KATNAL1: variants seen among roughly 807,000 people sequenced by gnomAD.
KATNAL1 encodes katanin p60 ATPase-containing subunit A-like 1.
A neutral mutation model predicts 55.2 loss-of-function variants in KATNAL1; 32 were observed. The observed-to-expected ratio is 0.58, with a 90% CI of 0.44 to 0.78. The LOEUF (loss-of-function observed/expected upper bound fraction) is 0.78, where lower values mean the gene tolerates loss of function less well. Among genes scored for constraint, KATNAL1 ranks in the 30% least tolerant of loss-of-function variants. The pLI, the probability that KATNAL1 is intolerant of heterozygous loss-of-function variation, is 0.00. For synonymous variants in KATNAL1, 193 were observed against 193.6 expected (o/e 1.00, Z 0.02); for missense variants, 466 against 600.9 (o/e 0.78, Z 2.35).
intron 3 of KATNAL1, among the ~76,000 whole-genome samples, chr13:30,273,457 C>A (rs887670219): frequency 1.3e-5 from 2 of 152,162 alleles, no homozygotes; most frequent in African/African-American, 4.8e-5. Context: ...TCAGTGTCGT[C>A]TTCTAAAAAA....
rs1223914505 is a variant in KATNAL1 at position 30,207,057 on chromosome 13, A to C, written c.*1483T>G. 2 of 152,108 alleles carry C rather than the reference A, an allele frequency of 1.3e-5. 1 individual carries two copies. The highest frequency in any genetic ancestry group is 2.9e-5 in the Non-Finnish European group (2 of 68,010). The allele number at this position is 152,108 out of a possible 1,614,324, so 9.4% of individuals were successfully genotyped here. ...AATCAAATCTCTTTTTTTAAAAAAA[A>C]CCTTCTTAGTATCTTGGTTAAATGT... On this transcript the variant is annotated 3_prime_UTR_variant, in exon 11 of 11. Coordinates refer to ENST00000380615, the MANE Select transcript of KATNAL1 (RefSeq NM_032116.5).
At chr13:30,223,279 A>G (rs985161801) in intron 9 of KATNAL1, among the ~76,000 whole-genome samples, 2 of 151,086 alleles carry the variant, frequency 1.3e-5, no homozygotes, top group African/African-American at 4.9e-5. Flanking sequence ...CTCTACTACT[A>G]AAAATACAAA....
chr13:30,296,574 T>G (rs1277787166), intron 1 of KATNAL1: 1 of 731,552 alleles, frequency 1.4e-6, no homozygotes, highest in East Asian at 2.8e-5. Context: ...TGTTAATGAT[T>G]TGCCTGTGGG....
chr13:30,227,618 C>A, intron 8 of KATNAL1, 72 bp from the exon 9 acceptor site: 1 of 1,526,976 alleles, frequency 6.5e-7, no homozygotes, highest in South Asian at 1.2e-5. Flanking sequence ...ATTAACATTT[C>A]TTTTAGCCAA....
chr13:30,216,217 G>A (rs1190842750), intron 9 of KATNAL1, among the ~76,000 whole-genome samples: 1 of 152,168 alleles, frequency 6.6e-6, no homozygotes, highest in Non-Finnish European at 1.5e-5. Context: ...GTTAGGTGAT[G>A]AAATTATATG....
At chr13:30,298,758 T>C (rs1882685188) in intron 1 of KATNAL1, among the ~76,000 whole-genome samples, 1 of 151,986 alleles carries the variant, frequency 6.6e-6, no homozygotes, top group Non-Finnish European at 1.5e-5. Flanking sequence ...GGAGAATCAA[T>C]AAACCAGAAG....
chr13:30,248,476 A>G (rs1328128367), intron 4 of KATNAL1, among the ~76,000 whole-genome samples: 1 of 152,264 alleles, frequency 6.6e-6, no homozygotes, highest in East Asian at 1.9e-4. Context: ...TAATATTCAA[A>G]GGACAGAAAA....
At chr13:30,242,997 C>G (rs1384882174) in intron 4 of KATNAL1, among the ~76,000 whole-genome samples, 2 of 152,030 alleles carry the variant, frequency 1.3e-5, no homozygotes, top group Non-Finnish European at 2.9e-5. Flanking sequence ...CTAAAGGAAA[C>G]TATTAGTTAA....
intron 3 of KATNAL1, among the ~76,000 whole-genome samples, chr13:30,260,437 A>G (rs1402586498): frequency 6.6e-6 from 1 of 152,204 alleles, no homozygotes; most frequent in Non-Finnish European, 1.5e-5. Flanking sequence ...ATGGGGGGAA[A>G]TTCAAACCAA....
chr13:30,279,700 T>C (rs1031647099), intron 3 of KATNAL1, among the ~76,000 whole-genome samples: 1 of 152,168 alleles, frequency 6.6e-6, no homozygotes, highest in African/African-American at 2.4e-5. Flanking sequence ...GAAAATTCAA[T>C]TTCTCCACTA....
intron 3 of KATNAL1, among the ~76,000 whole-genome samples, chr13:30,277,622 T>C (rs553044833): frequency 6.6e-6 from 1 of 152,290 alleles, no homozygotes; most frequent in South Asian, 2.1e-4. Flanking sequence ...AACCTTTAAG[T>C]CTAAATTTGC....
At chr13:30,228,444 T>A (rs909468836) in intron 8 of KATNAL1, among the ~76,000 whole-genome samples, 1 of 152,188 alleles carries the variant, frequency 6.6e-6, no homozygotes, top group Non-Finnish European at 1.5e-5. Context: ...TCGGTCATTA[T>A]GACAAAGAAT....
At chr13:30,306,134 G>A (rs780604944) in intron 1 of KATNAL1, among the ~76,000 whole-genome samples, 1 of 152,100 alleles carries the variant, frequency 6.6e-6, no homozygotes, top group Non-Finnish European at 1.5e-5. Flanking sequence ...TTTCTAGGAT[G>A]GTTATCTACC....
chr13:30,299,541 A>G (rs1360025982), intron 1 of KATNAL1, among the ~76,000 whole-genome samples: 1 of 152,202 alleles, frequency 6.6e-6, no homozygotes, highest in Non-Finnish European at 1.5e-5. Flanking sequence ...ATTTTTAGTC[A>G]TAATCTTGAA....
intron 9 of KATNAL1, among the ~76,000 whole-genome samples, chr13:30,223,516 A>C (rs1396541185): frequency 6.6e-6 from 1 of 151,902 alleles, no homozygotes; most frequent in African/African-American, 2.4e-5. Flanking sequence ...AAAGATAAAA[A>C]GCAGATATAG....
chr13:30,276,260 A>G (rs1880832707), intron 3 of KATNAL1, among the ~76,000 whole-genome samples: 1 of 152,236 alleles, frequency 6.6e-6, no homozygotes, highest in Admixed American at 6.5e-5. Flanking sequence ...AACCTTAATT[A>G]TGATTAAACT....
chr13:30,251,622 G>T (rs945451084), intron 4 of KATNAL1, among the ~76,000 whole-genome samples: 3 of 152,164 alleles, frequency 2.0e-5, no homozygotes, highest in African/African-American at 7.2e-5. Context: ...AAAACTGTGA[G>T]AAATAAATTT....
At chr13:30,215,317 A>C (rs1409846578) in intron 9 of KATNAL1, among the ~76,000 whole-genome samples, 1 of 152,208 alleles carries the variant, frequency 6.6e-6, no homozygotes. Flanking sequence ...ACACTTTTAC[A>C]CTGTTGATGG....
intron 1 of KATNAL1, among the ~76,000 whole-genome samples, chr13:30,301,069 G>A (rs1433589482): frequency 6.6e-6 from 1 of 152,162 alleles, no homozygotes; most frequent in African/African-American, 2.4e-5. Flanking sequence ...CAAGATGACA[G>A]CTTAAACTAT....
Sources: gnomAD v4.1 joint callset for allele counts (sites outside exome capture counted in the v4.1 genomes callset) on GRCh38, gnomAD v4.1.1 for gene constraint, MANE v1.5 for transcripts, NCBI Gene and HGNC (gene_info 2026-07-23, HGNC 2026-07-21) for gene names.